Variants in ATXN10 observed in about 807,000 individuals in gnomAD.
ATXN10 encodes the protein ataxin-10.
Under a neutral mutation model 52.9 loss-of-function variants are expected in ATXN10, and 28 were observed. The observed-to-expected ratio is 0.53, with a 90% CI of 0.39 to 0.73. ATXN10 has a LOEUF of 0.73. Among genes scored for constraint, ATXN10 ranks in the 30% least tolerant of loss-of-function variants. ATXN10 has a pLI of 0.00. For missense variants in ATXN10, 565 were observed against 577.0 expected (o/e 0.98, Z 0.21); for synonymous variants, 226 against 221.5 (o/e 1.02, Z -0.18).
chr22:45,816,681 T>G lies in ATXN10; in HGVS notation c.1237+9659T>G, dbSNP rs904743490. On this transcript the variant is annotated intron_variant, in intron 10 of 11. Coordinates refer to ENST00000252934, the MANE Select transcript of ATXN10 (RefSeq NM_013236.4). The surrounding 1 kb of genome is among the most constrained non-coding windows in gnomAD (Gnocchi z 5.8). ...GCATATTTTGTCTATAGTATCTTAA[T>G]AGGTAATATACGGGAGAAGCCTTCT... Among the ~76,000 whole-genome samples the G allele has an allele frequency of 2.0e-5, 3 of 152,152 alleles. No individual in the cohort carries two copies. The highest frequency in any genetic ancestry group is 7.2e-5 in the African/African-American group (3 of 41,444).
At chr22:45,734,009 A>G (rs1478102410) in intron 7 of ATXN10, among the ~76,000 whole-genome samples, 2 of 152,074 alleles carry the variant, frequency 1.3e-5, no homozygotes, top group Non-Finnish European at 2.9e-5. Context: ...AATAATATTT[A>G]ACTATATAGA....
chr22:45,679,446 T>C (rs1290886710), intron 1 of ATXN10: 1 of 152,164 alleles, frequency 6.6e-6, no homozygotes, highest in South Asian at 2.1e-4. Flanking sequence ...CTAACCTTCA[T>C]AAAGAAAGTG....
At chr22:45,689,258 TTAAA>T (rs1350654487) in intron 1 of ATXN10, among the ~76,000 whole-genome samples, 3 of 152,180 alleles carry the variant, frequency 2.0e-5, no homozygotes, top group Non-Finnish European at 4.4e-5. Flanking sequence ...GTCTAGAACA[TTAAA>T]TAAAGATACT....
At chr22:45,672,482 G>A (rs1922501807) in intron 1 of ATXN10, 1 of 168,478 alleles carries the variant, frequency 5.9e-6, no homozygotes, top group Admixed American at 6.4e-5. Flanking sequence ...CACACGGTTA[G>A]GCCTCCCCTG....
At chr22:45,809,602 G>A (rs1203311597) in intron 10 of ATXN10, among the ~76,000 whole-genome samples, 1 of 152,032 alleles carries the variant, frequency 6.6e-6, no homozygotes, top group Admixed American at 6.5e-5. Context: ...CCTCCCTTGT[G>A]CTTCCCCTGG....
At chr22:45,697,158 G>T (rs1040831824) in intron 3 of ATXN10, among the ~76,000 whole-genome samples, 3 of 151,590 alleles carry the variant, frequency 2.0e-5, no homozygotes, top group African/African-American at 7.3e-5. Context: ...TTTTTGAGAC[G>T]GAGTTTGCTC....
chr22:45,809,360 A>G (rs931151997), intron 10 of ATXN10, among the ~76,000 whole-genome samples: 1 of 152,144 alleles, frequency 6.6e-6, no homozygotes, highest in Non-Finnish European at 1.5e-5. Flanking sequence ...CATGAAAATA[A>G]TACACCTATA....
chr22:45,782,460 G>A (rs1015091338), intron 9 of ATXN10, among the ~76,000 whole-genome samples: 6 of 152,150 alleles, frequency 3.9e-5, no homozygotes, highest in African/African-American at 9.6e-5. Context: ...TTCATTCAGC[G>A]GAATATTACA....
chr22:45,680,605 G>A (rs1489793893), intron 1 of ATXN10, among the ~76,000 whole-genome samples: 2 of 151,602 alleles, frequency 1.3e-5, no homozygotes, highest in Middle Eastern at 3.4e-3. Context: ...CCATCACAGC[G>A]CCACCATGCC....
chr22:45,810,750 A>G lies in ATXN10; in HGVS notation c.1237+3728A>G, dbSNP rs59249525. Among the ~76,000 whole-genome samples the G allele has an allele frequency of 1.0e-2, 1,516 of 152,202 alleles. 18 individuals carry two copies. The highest frequency in any genetic ancestry group is 0.034 in the African/African-American group (1,418 of 41,546). ...GCCATTCATTTAAAAGTGTTTTTCA[A>G]TTTTTATTATAACTTCTTTTTTGAC... On this transcript the variant is annotated intron_variant, in intron 10 of 11. Transcript: ENST00000252934.
At chr22:45,729,886 C>T in intron 7 of ATXN10, 1 of 411,850 alleles carries the variant, frequency 2.4e-6, no homozygotes, top group Non-Finnish European at 4.5e-6. Flanking sequence ...TGGAGCCTTT[C>T]TGTGCCTTCT....
intron 10 of ATXN10, among the ~76,000 whole-genome samples, chr22:45,839,868 A>G (rs1024644919): frequency 2.0e-5 from 3 of 152,196 alleles, no homozygotes; most frequent in Non-Finnish European, 2.9e-5. Context: ...CACACCAACA[A>G]CAGGAGGCAA....
chr22:45,708,011 TC>T lies in ATXN10; in HGVS notation c.647+5165del, dbSNP rs757166157. On this transcript the variant is annotated intron_variant, in intron 5 of 11. Coordinates refer to ENST00000252934, the MANE Select transcript of ATXN10 (RefSeq NM_013236.4). This position sits in a 1 kb window ranked among gnomAD's most constrained non-coding sequence, Gnocchi z 5.3. ...TTCATGGTTTCATTATGTTTTCTTT[TC>T]TTCCTTTGCTTGTTTCTTAGAAAAG... Among the ~76,000 whole-genome samples, 6 of 152,246 alleles carry T rather than the reference TC, an allele frequency of 3.9e-5. No individual in the cohort carries two copies. The highest frequency in any genetic ancestry group is 7.3e-5 in the Non-Finnish European group (5 of 68,036).
In ATXN10 at chr22:45,844,953, CTG is replaced by C. The variant is rs1427054207; in HGVS notation, c.*1286_*1287del. On this transcript the variant is annotated 3_prime_UTR_variant, in exon 12 of 12. Coordinates refer to ENST00000252934, the MANE Select transcript of ATXN10 (RefSeq NM_013236.4). ...TTTCCCATGTGCTGTCTAATGTACT[CTG>C]TGTAACTCTGAAGACACATCAGCTT... 6.6e-6 allele frequency: 1 copy of C among 152,230 alleles called. No homozygotes were observed. Among genetic ancestry groups the C allele is most frequent in the Non-Finnish European group, 1.5e-5 (1 of 68,048 alleles). 9.4% of individuals were successfully genotyped at this position (152,230 alleles called of 1,614,324 possible).
At chr22:45,714,271 G>T (rs943836464) in intron 5 of ATXN10, among the ~76,000 whole-genome samples, 3 of 151,974 alleles carry the variant, frequency 2.0e-5, no homozygotes. Flanking sequence ...TTCTATTGGG[G>T]TATTGATCTT....
rs774395543 is a variant in ATXN10, at chr22:45,775,595, A to G, written c.1174-31364A>G. Among the ~76,000 whole-genome samples the G allele has an allele frequency of 3.9e-5, 6 of 152,190 alleles. No homozygotes were observed. Among genetic ancestry groups the G allele is most frequent in the Non-Finnish European group, 8.8e-5 (6 of 68,032 alleles). On this transcript the variant is annotated intron_variant, in intron 9 of 11. Coordinates refer to ENST00000252934, the MANE Select transcript of ATXN10 (RefSeq NM_013236.4). This position sits in a 1 kb window ranked among gnomAD's most constrained non-coding sequence, Gnocchi z 4.7. The stretch of plus-strand genomic sequence containing the variant: ...GGTTAGAATTAGGTGACTGCCAAAC[A>G]TGGCTTTCGTCAGTGTTAGCCTGTG...
chr22:45,707,220 G>T (rs1334292708), intron 5 of ATXN10, among the ~76,000 whole-genome samples: 1 of 152,168 alleles, frequency 6.6e-6, no homozygotes, highest in African/African-American at 2.4e-5. Context: ...ATTTTCTCCA[G>T]GGAGTAAGCC....
chr22:45,785,986 CA>C (rs1361663475), intron 9 of ATXN10, among the ~76,000 whole-genome samples: 1 of 152,158 alleles, frequency 6.6e-6, no homozygotes, highest in Non-Finnish European at 1.5e-5. Flanking sequence ...ATTCATTCAC[CA>C]AATTTTTTTT....
At position 45,672,090 on chromosome 22, in the gene ATXN10, C is replaced by T. The variant is rs879701306; in HGVS notation, c.27C>T (p.Ala9=). 1 of 1,538,836 alleles carries T rather than the reference C, an allele frequency of 6.5e-7. No individual in the cohort carries two copies. Among genetic ancestry groups the T allele is most frequent in the African/African-American group, 1.4e-5 (1 of 72,902 alleles). Residue 9 remains alanine, a synonymous_variant, in exon 1 of 12, where the codon GCC becomes GCT. Transcript: ENST00000252934. Reference sequence around the variant, plus strand: ...TGGCGGCGCCCAGGCCGCCGCCTGCCAGGCTGTCGGGCGTCATGGTGCCGG... The same window carrying T: ...TGGCGGCGCCCAGGCCGCCGCCTGCTAGGCTGTCGGGCGTCATGGTGCCGG... The part of the protein sequence containing the change: MAAPRPPP[A]RLSGVMVPAP...
Sources: gnomAD v4.1 joint callset for allele counts (sites outside exome capture counted in the v4.1 genomes callset) on GRCh38, gnomAD v4.1.1 for gene constraint, Gnocchi (gnomAD v3.1) non-coding constraint, MANE v1.5 for transcripts, NCBI Gene and HGNC (gene_info 2026-07-23, HGNC 2026-07-21) for gene names.